APLP2: variants seen among roughly 807,000 people sequenced by gnomAD.
APLP2 encodes CDEI box-binding protein.
APLP2 carries 53 observed loss-of-function variants against 89.9 expected under a neutral mutation model. That is an observed-to-expected ratio of 0.59 (90% CI 0.47 to 0.74). The LOEUF is 0.74. APLP2 is among the 30% of genes least tolerant of loss of function. The pLI is 0.00. For synonymous variants in APLP2, 372 were observed against 348.6 expected, an observed-to-expected ratio of 1.07 and a Z score of -0.75; for missense variants, 973 against 975.9, an observed-to-expected ratio of 1.00 and a Z score of 0.04.
At chr11:130,087,145 G>A (rs1346309874) in intron 1 of APLP2, among the ~76,000 whole-genome samples, 1 of 152,160 alleles carries the variant, frequency 6.6e-6, no homozygotes, top group African/African-American at 2.4e-5. Context: ...ATTACTTTTA[G>A]TTTACACTAT....
At chr11:130,077,712 A>G (rs550730527) in intron 1 of APLP2, among the ~76,000 whole-genome samples, 16 of 152,240 alleles carry the variant, frequency 1.1e-4, no homozygotes, top group African/African-American at 3.9e-4. Context: ...AGGAATTTAC[A>G]TTTCCATTCA....
chr11:130,141,755 T>TG lies in APLP2; in HGVS notation c.1999-161dup. On this transcript the variant is annotated intron_variant, in intron 15 of 16. Coordinates refer to ENST00000338167, the MANE Select transcript of APLP2 (RefSeq NM_001142276.2). The surrounding 1 kb of genome is among the most constrained non-coding windows in gnomAD (Gnocchi z 4.2). ...AAATCTCCATGGAGATTGGGAAGAGTGGGCGTTCTCCACCTGTGGGTGGTT... is the reference window on the plus strand; with the variant it reads ...AAATCTCCATGGAGATTGGGAAGAGTGGGGCGTTCTCCACCTGTGGGTGGTT... The TG allele has an allele frequency of 1.1e-6, 1 of 943,254 alleles. No individual in the cohort carries two copies. The highest frequency in any genetic ancestry group is 1.6e-6 in the Non-Finnish European group (1 of 637,124). 58.4% of individuals were successfully genotyped at this position (943,254 alleles called of 1,614,324 possible). A position where few individuals can be genotyped will look rare whatever the true frequency, so the allele number is the denominator to read the frequency against.
At chr11:130,112,378 G>T (rs1276225426) in intron 3 of APLP2, among the ~76,000 whole-genome samples, 1 of 149,798 alleles carries the variant, frequency 6.7e-6, no homozygotes, top group African/African-American at 2.5e-5. Context: ...GAGGGTGATG[G>T]TGTTCAGTCT....
intron 13 of APLP2, among the ~76,000 whole-genome samples, chr11:130,136,522 G>A (rs1055513586): frequency 1.3e-5 from 2 of 152,112 alleles, no homozygotes; most frequent in African/African-American, 2.4e-5. Flanking sequence ...GTCAGGGGTC[G>A]AATCCAAGCT....
intron 1 of APLP2, among the ~76,000 whole-genome samples, chr11:130,107,096 A>G (rs1012200007): frequency 3.9e-5 from 6 of 152,254 alleles, no homozygotes; most frequent in African/African-American, 1.2e-4. Context: ...TAGAGCCCCA[A>G]GAAAGCAGGT....
At chr11:130,087,199 G>T (rs1944240773) in intron 1 of APLP2, among the ~76,000 whole-genome samples, 1 of 152,208 alleles carries the variant, frequency 6.6e-6, no homozygotes, top group Non-Finnish European at 1.5e-5. Flanking sequence ...TTCTTTTAGA[G>T]TAACTGTCAT....
At chr11:130,105,016 C>G (rs933351282) in intron 1 of APLP2, among the ~76,000 whole-genome samples, 3 of 152,196 alleles carry the variant, frequency 2.0e-5, no homozygotes, top group Non-Finnish European at 2.9e-5. Flanking sequence ...TAATATATTT[C>G]ACAATCAAAT....
Position 130,140,387 on chromosome 11 carries a change from T to C in APLP2, c.1838-11T>C. On this transcript the variant is annotated splice_polypyrimidine_tract_variant and intron_variant, in intron 13 of 16. Coordinates refer to ENST00000338167, the MANE Select transcript of APLP2 (RefSeq NM_001142276.2). ...TCCTTGGGAACTCAGCCATGATCTC[T>C]CTCCACACAGGATCTGGAGTGGGAG... The C allele has an allele frequency of 6.3e-7, 1 of 1,593,092 alleles. No homozygotes were observed. The highest frequency in any genetic ancestry group is 8.5e-7 in the Non-Finnish European group (1 of 1,170,966).
rs766558626 is a variant in APLP2, at chr11:130,141,658, G to T, written c.1998+86G>T. 3.9e-5 allele frequency: 48 copies of T among 1,236,812 alleles called. No homozygotes were observed. The highest frequency in any genetic ancestry group is 5.4e-5 in the Non-Finnish European group (46 of 854,992). The allele number at this position is 1,236,812 out of a possible 1,614,324, so 76.6% of individuals were successfully genotyped here. On this transcript the variant is annotated intron_variant, in intron 15 of 16. Transcript: ENST00000338167. The surrounding 1 kb of genome is among the most constrained non-coding windows in gnomAD (Gnocchi z 4.2). ...CCTTCTCAGTTCAAGTAGAAAACGG[G>T]AGAGATGCCTGAGCTAATAAGGGTC...
At chr11:130,108,178 C>T (rs1948053526) in intron 1 of APLP2, among the ~76,000 whole-genome samples, 1 of 152,158 alleles carries the variant, frequency 6.6e-6, no homozygotes, top group Non-Finnish European at 1.5e-5. Flanking sequence ...GTCTAAAACA[C>T]CAAAAGCAAT....
At chr11:130,138,054 TCTGTTCCC>T (rs1245959046) in intron 13 of APLP2, among the ~76,000 whole-genome samples, 2 of 152,220 alleles carry the variant, frequency 1.3e-5, no homozygotes, top group Non-Finnish European at 2.9e-5. Flanking sequence ...AACCCAGTTC[TCTGTTCCC>T]CAAGCCCATG....
chr11:130,113,527 A>C (rs918982549), intron 3 of APLP2, among the ~76,000 whole-genome samples: 1 of 152,214 alleles, frequency 6.6e-6, no homozygotes, highest in African/African-American at 2.4e-5. Context: ...ATTTTTACAT[A>C]AGCACAGTTG....
At chr11:130,108,791 G>A (rs1408952373) in intron 1 of APLP2, 1 of 152,184 alleles carries the variant, frequency 6.6e-6, no homozygotes, top group Non-Finnish European at 1.5e-5. Context: ...CAATAGCAAA[G>A]ACTTGGAACC....
At chr11:130,134,914 A>T (rs895781285) in intron 12 of APLP2, among the ~76,000 whole-genome samples, 2 of 152,176 alleles carry the variant, frequency 1.3e-5, no homozygotes, top group Non-Finnish European at 1.5e-5. Flanking sequence ...AGCTCTCTTG[A>T]TACATGTTAA....
Position 130,137,436 on chromosome 11 carries a change from G to A in APLP2, c.1837+1721G>A, listed in dbSNP as rs1468873819. The A allele has an allele frequency of 1.7e-5, 13 of 784,080 alleles. No homozygotes were observed. In the East Asian group the frequency reaches 3.1e-4, roughly 19 times the overall value. The allele number at this position is 784,080 out of a possible 1,614,324, so 48.6% of individuals were successfully genotyped here. The stretch of plus-strand genomic sequence containing the variant: ...CACGGCTGTGAGTGGGGTCAGAGCA[G>A]CCCCACCTCCATGTTGCTGACAAGC... On this transcript the variant is annotated intron_variant, in intron 13 of 16. Transcript: ENST00000338167.
chr11:130,120,497 C>T (rs1279794525), intron 3 of APLP2, among the ~76,000 whole-genome samples: 2 of 152,148 alleles, frequency 1.3e-5, no homozygotes, highest in East Asian at 3.9e-4. Flanking sequence ...AGGTCCCTGG[C>T]ATCATGGCTC....
intron 1 of APLP2, among the ~76,000 whole-genome samples, chr11:130,071,321 A>G (rs996360484): frequency 6.6e-6 from 1 of 152,226 alleles, no homozygotes; most frequent in Non-Finnish European, 1.5e-5. Flanking sequence ...ACACCTTTGT[A>G]TTCATCCAGT....
chr11:130,073,269 T>A (rs760995414), intron 1 of APLP2, among the ~76,000 whole-genome samples: 2 of 152,224 alleles, frequency 1.3e-5, no homozygotes, highest in Non-Finnish European at 2.9e-5. Context: ...ACATTAAAAT[T>A]AATTTCACTT....
chr11:130,098,515 G>A (rs1410661203), intron 1 of APLP2, among the ~76,000 whole-genome samples: 2 of 152,164 alleles, frequency 1.3e-5, no homozygotes, highest in Non-Finnish European at 2.9e-5. Context: ...TCTGACATTG[G>A]TTATTCATGT....
Sources: allele counts gnomAD v4.1 joint callset (sites outside exome capture counted in the v4.1 genomes callset), GRCh38; gene constraint gnomAD v4.1.1; non-coding constraint Gnocchi (gnomAD v3.1); transcripts MANE v1.5; gene names NCBI Gene and HGNC (gene_info 2026-07-23, HGNC 2026-07-21).